Variants in DCLK2 observed in about 807,000 individuals in gnomAD.
The protein encoded by DCLK2 is serine/threonine-protein kinase DCLK2.
A neutral mutation model predicts 78.4 loss-of-function variants in DCLK2; 31 were observed. The observed-to-expected ratio is 0.40, with a 90% CI of 0.30 to 0.53. The LOEUF is 0.53. DCLK2 is among the 20% of genes least tolerant of loss of function. The probability of loss-of-function intolerance (pLI) is 0.61; values close to 1 mark genes in which losing one functional copy is unlikely to be tolerated. For missense variants in DCLK2, 872 were observed against 973.7 expected, an observed-to-expected ratio of 0.90 and a Z score of 1.39; for synonymous variants, 407 against 374.9, an observed-to-expected ratio of 1.09 and a Z score of -0.99.
chr4:150,164,850 A>G (rs937955316), intron 2 of DCLK2, among the ~76,000 whole-genome samples: 2 of 152,342 alleles, frequency 1.3e-5, no homozygotes, highest in East Asian at 1.9e-4. Context: ...TAACCATAAC[A>G]TATCTCCTGG....
At chr4:150,245,135 C>T (rs1417941510) in intron 12 of DCLK2, among the ~76,000 whole-genome samples, 1 of 152,196 alleles carries the variant, frequency 6.6e-6, no homozygotes, top group African/African-American at 2.4e-5. Flanking sequence ...TCTGTACTCA[C>T]TTTGAAGGAG....
chr4:150,154,608 T>C (rs28631495), intron 2 of DCLK2, among the ~76,000 whole-genome samples: 3,348 of 152,318 alleles, frequency 0.022, 106 homozygotes, highest in African/African-American at 0.077. Context: ...TTTAATATTA[T>C]TACCATGTGC....
chr4:150,214,231 C>G (rs958471595), intron 5 of DCLK2, among the ~76,000 whole-genome samples: 1 of 152,208 alleles, frequency 6.6e-6, no homozygotes, highest in South Asian at 2.1e-4. Context: ...CACAGATGTT[C>G]TCAACCTTGG....
At chr4:150,226,396 T>C (rs1741612508) in intron 8 of DCLK2, among the ~76,000 whole-genome samples, 1 of 152,176 alleles carries the variant, frequency 6.6e-6, no homozygotes, top group African/African-American at 2.4e-5. Flanking sequence ...TTTTTCACTG[T>C]AATAGCCTTT....
At chr4:150,214,969 A>AG (rs1339770311) in intron 5 of DCLK2, among the ~76,000 whole-genome samples, 67 of 146,002 alleles carry the variant, frequency 4.6e-4, no homozygotes, top group East Asian at 1.9e-3. Context: ...AAAAAAAAAA[A>AG]AAAGAAAGAA....
chr4:150,104,797 A>G (rs1444446445), intron 2 of DCLK2, among the ~76,000 whole-genome samples: 1 of 152,148 alleles, frequency 6.6e-6, no homozygotes, highest in Non-Finnish European at 1.5e-5. Flanking sequence ...TTCTATCTGA[A>G]ACAACAAGCC....
chr4:150,227,631 T>C (rs1321998271), intron 8 of DCLK2, among the ~76,000 whole-genome samples: 8 of 152,196 alleles, frequency 5.3e-5, no homozygotes, highest in Non-Finnish European at 1.2e-4. Flanking sequence ...TGGGGCCAGA[T>C]TTATAGAGGC....
chr4:150,093,509 G>A (rs1730239032), intron 1 of DCLK2, among the ~76,000 whole-genome samples: 1 of 152,212 alleles, frequency 6.6e-6, no homozygotes, highest in Non-Finnish European at 1.5e-5. Context: ...AGTCTCACGA[G>A]TAGCTGGAAT....
At chr4:150,171,447 C>T (rs893920163) in intron 2 of DCLK2, among the ~76,000 whole-genome samples, 2 of 152,138 alleles carry the variant, frequency 1.3e-5, no homozygotes, top group Admixed American at 6.5e-5. Flanking sequence ...CGCCACTGCA[C>T]TCCAGCCTGG....
intron 7 of DCLK2, among the ~76,000 whole-genome samples, chr4:150,224,252 TC>T (rs1033836982): frequency 5.3e-5 from 8 of 151,976 alleles, no homozygotes; most frequent in African/African-American, 9.7e-5. Context: ...AGTTTTTCCT[TC>T]CTGGGTCTGT....
intron 2 of DCLK2, among the ~76,000 whole-genome samples, chr4:150,160,715 AC>A (rs1411175844): frequency 6.6e-6 from 1 of 152,210 alleles, no homozygotes; most frequent in African/African-American, 2.4e-5. Context: ...GTCCCATCCA[AC>A]CATCAGGTTC....
At chr4:150,098,670 C>T (rs1225505864) in intron 1 of DCLK2, among the ~76,000 whole-genome samples, 5 of 150,230 alleles carry the variant, frequency 3.3e-5, no homozygotes, top group Non-Finnish European at 7.4e-5. Context: ...TTAACAAAGT[C>T]TCTCATACTG....
In DCLK2 at chr4:150,102,512, T is replaced by C; in HGVS notation, c.456T>C (p.Phe152=). The C allele has an allele frequency of 6.2e-7, 1 of 1,614,016 alleles. No individual in the cohort carries two copies. The highest frequency in any genetic ancestry group is 8.5e-7 in the Non-Finnish European group (1 of 1,179,900). Residue 152 remains phenylalanine, a synonymous_variant, in exon 2 of 16, where the codon TTT becomes TTC. Transcript: ENST00000296550. ...ACGTGTGTGCATCCAATGAACCATT[T>C]CGTAAAGTCGATTACACCAAAAATA... ...ESYVCASNEP[F]RKVDYTKNIN... is the part of the protein sequence containing the mutation.
chr4:150,148,998 A>G (rs2150225673), intron 2 of DCLK2, among the ~76,000 whole-genome samples: 1 of 147,638 alleles, frequency 6.8e-6, no homozygotes, highest in East Asian at 2.0e-4. Flanking sequence ...AGATTGCACC[A>G]CTGCACTCCA....
intron 2 of DCLK2, among the ~76,000 whole-genome samples, chr4:150,135,267 A>C (rs1383277492): frequency 1.3e-5 from 2 of 152,126 alleles, no homozygotes; most frequent in African/African-American, 4.8e-5. Flanking sequence ...TTAGCATATC[A>C]GAAACTTTTA....
rs1560879775 is a variant in DCLK2 at position 150,218,050 on chromosome 4, A to ACTCTCG, written c.1057-2647_1057-2642dup. On this transcript the variant is annotated intron_variant, in intron 5 of 15. Transcript: ENST00000296550. ...GCCATGCTCGCTGTTGCTCGCTCTC[A>ACTCTCG]CTCTCGCTCTCTCTCTCGCTCTCTC... 4.7e-5 allele frequency among the ~76,000 whole-genome samples: 7 copies of ACTCTCG among 149,406 alleles called. No homozygotes were observed. In the South Asian group the frequency reaches 1.1e-3, roughly 23 times the overall value.
chr4:150,142,415 G>T (rs1198830246), intron 2 of DCLK2, among the ~76,000 whole-genome samples: 4 of 152,148 alleles, frequency 2.6e-5, no homozygotes, highest in African/African-American at 9.7e-5. Flanking sequence ...CCTTCCAATT[G>T]AGTAGAATGT....
At chr4:150,079,536 G>T in intron 1 of DCLK2, 88 bp downstream of exon 1, 1 of 1,332,048 alleles carries the variant, frequency 7.5e-7, no homozygotes, top group Non-Finnish European at 1.0e-6. Context: ...AGCCCGCGGG[G>T]TGCTTTCCAA....
intron 4 of DCLK2, among the ~76,000 whole-genome samples, chr4:150,202,868 A>G (rs1322930199): frequency 6.6e-6 from 1 of 152,200 alleles, no homozygotes; most frequent in Non-Finnish European, 1.5e-5. Flanking sequence ...GCAGAAATAG[A>G]TTCTAATGAT....
Sources: allele counts gnomAD v4.1 joint callset (sites outside exome capture counted in the v4.1 genomes callset), GRCh38; gene constraint gnomAD v4.1.1; transcripts MANE v1.5; gene names NCBI Gene and HGNC (gene_info 2026-07-23, HGNC 2026-07-21).